The following B3GALT1 variants were observed in gnomAD, a reference collection of about 807,000 sequenced individuals.
The protein encoded by B3GALT1 is UDP-Gal:betaGlcNAc beta 1,3-galactosyltransferase, polypeptide 1.
A neutral mutation model predicts 23.2 loss-of-function variants in B3GALT1; 10 were observed. The ratio of observed to expected loss-of-function variants is 0.43; its 90% CI spans 0.27 to 0.73. The LOEUF is 0.73. Among genes scored for constraint, B3GALT1 ranks in the 30% least tolerant of loss-of-function variants. B3GALT1 has a pLI of 0.21. For missense variants in B3GALT1, 299 were observed against 405.4 expected (o/e 0.74, Z 2.25); for synonymous variants, 156 against 141.5 (o/e 1.10, Z -0.73).
At chr2:167,372,811 A>G (rs1697706685) in intron 1 of B3GALT1, among the ~76,000 whole-genome samples, 2 of 152,124 alleles carry the variant, frequency 1.3e-5, no homozygotes, top group African/African-American at 2.4e-5. Context: ...ACGTTGCTGA[A>G]TAGAATTAAG....
chr2:167,828,014 C>A (rs1689265421), intron 4 of B3GALT1, among the ~76,000 whole-genome samples: 1 of 152,166 alleles, frequency 6.6e-6, no homozygotes, highest in Admixed American at 6.5e-5. Context: ...TAAGAACACA[C>A]AGAATTAAGT....
intron 1 of B3GALT1, among the ~76,000 whole-genome samples, chr2:167,482,683 TA>T (rs1434132609): frequency 6.6e-6 from 1 of 151,828 alleles, no homozygotes; most frequent in African/African-American, 2.4e-5. Context: ...CTACTAAAAA[TA>T]AAAAAATTAG....
intron 1 of B3GALT1, among the ~76,000 whole-genome samples, chr2:167,393,373 C>T (rs1255621299): frequency 6.7e-6 from 1 of 150,090 alleles, no homozygotes; most frequent in East Asian, 2.0e-4. Flanking sequence ...CACCAAGATA[C>T]TCAAGAGCAG....
chr2:167,389,909 CAAA>C (rs141871874), intron 1 of B3GALT1, among the ~76,000 whole-genome samples: 1,168 of 112,536 alleles, frequency 0.01, 12 homozygotes, highest in African/African-American at 0.045. Flanking sequence ...ATACCCTGTC[CAAA>C]AAAAAAAAAA....
chr2:167,418,264 C>T (rs527483844), intron 1 of B3GALT1, among the ~76,000 whole-genome samples: 1 of 152,270 alleles, frequency 6.6e-6, no homozygotes, highest in East Asian at 1.9e-4. Flanking sequence ...TGAATTAACT[C>T]TCTGACTTCT....
intron 3 of B3GALT1, among the ~76,000 whole-genome samples, chr2:167,682,335 CA>C (rs1263129577): frequency 6.6e-6 from 1 of 152,162 alleles, no homozygotes; most frequent in African/African-American, 2.4e-5. Context: ...ATTCTTCATC[CA>C]AATTCCAAAT....
intron 4 of B3GALT1, among the ~76,000 whole-genome samples, chr2:167,864,190 T>C (rs1256990984): frequency 6.6e-6 from 1 of 152,166 alleles, no homozygotes. Flanking sequence ...ACAGAATTGA[T>C]ATAGCACAGT....
chr2:167,480,149 G>C (rs1160766371), intron 1 of B3GALT1, among the ~76,000 whole-genome samples: 1 of 152,114 alleles, frequency 6.6e-6, no homozygotes, highest in Non-Finnish European at 1.5e-5. Context: ...CATGACTCTT[G>C]AGCAGTAAGG....
intron 2 of B3GALT1, among the ~76,000 whole-genome samples, chr2:167,546,729 C>T (rs891148704): frequency 6.6e-6 from 1 of 152,170 alleles, no homozygotes; most frequent in South Asian, 2.1e-4. Flanking sequence ...GAAGAACACC[C>T]CCTCTGCACA....
rs764229259 is a variant in B3GALT1 at position 167,654,584 on chromosome 2, T to G, written c.-352+7618T>G. Among the ~76,000 whole-genome samples the G allele has an allele frequency of 5.9e-4, 89 of 152,000 alleles. 1 individual carries two copies. The highest frequency in any genetic ancestry group is 4.6e-4 in the Non-Finnish European group (31 of 67,976). On this transcript the variant is annotated intron_variant, in intron 3 of 4. Coordinates refer to ENST00000392690, the MANE Select transcript of B3GALT1 (RefSeq NM_020981.4). ...GCTCAATCATAGCTCACTGCAGCCT[T>G]CTGGGCTCAAAGGATCGTCTTGCCT...
intron 3 of B3GALT1, among the ~76,000 whole-genome samples, chr2:167,759,948 A>G (rs750607036): frequency 7.9e-5 from 12 of 152,146 alleles, no homozygotes; most frequent in Non-Finnish European, 1.8e-4. Context: ...TTGTTTACTT[A>G]AGTTTAACTC....
intron 1 of B3GALT1, among the ~76,000 whole-genome samples, chr2:167,438,298 C>A (rs1698818360): frequency 6.6e-6 from 1 of 152,158 alleles, no homozygotes; most frequent in Non-Finnish European, 1.5e-5. Context: ...CAAGAAGTTT[C>A]TCTGGGAGCT....
At position 167,660,338 on chromosome 2, in the gene B3GALT1, A is replaced by G. The variant is rs562354840; in HGVS notation, c.-352+13372A>G. Among the ~76,000 whole-genome samples, 3 of 152,138 alleles carry G rather than the reference A, an allele frequency of 2.0e-5. No individual in the cohort carries two copies. The East Asian group carries it at 5.8e-4, about 30-fold the overall frequency. ...AATAGTGATAGGTACTGTGGTGTCT[A>G]TTTAGCCTGTGCTTTAAGGGTCTAG... On this transcript the variant is annotated intron_variant, in intron 3 of 4. Coordinates refer to ENST00000392690, the MANE Select transcript of B3GALT1 (RefSeq NM_020981.4).
At chr2:167,854,434 G>C (rs1032937201) in intron 4 of B3GALT1, among the ~76,000 whole-genome samples, 2 of 152,174 alleles carry the variant, frequency 1.3e-5, no homozygotes, top group Admixed American at 6.5e-5. Flanking sequence ...CTTTGGACTT[G>C]TTTTAGTGGA....
chr2:167,623,290 A>C (rs530198744), intron 2 of B3GALT1, among the ~76,000 whole-genome samples: 1 of 152,280 alleles, frequency 6.6e-6, no homozygotes, highest in East Asian at 1.9e-4. Context: ...AGGATTATAA[A>C]TCATTCTACT....
rs1051576875 is a variant in B3GALT1 at position 167,432,983 on chromosome 2, A to G, written c.-510-57194A>G. Among the ~76,000 whole-genome samples, 6 of 152,206 alleles carry G rather than the reference A, an allele frequency of 3.9e-5. No homozygotes were observed. In the South Asian group the frequency reaches 1.2e-3, roughly 31 times the overall value. On this transcript the variant is annotated intron_variant, in intron 1 of 4. Transcript: ENST00000392690. The stretch of plus-strand genomic sequence containing the variant: ...TTGGGCCTCACTCTTGGTATTGTAC[A>G]TTCCAGGGGTTTGGACAAATGTATA...
chr2:167,725,534 A>G (rs1226938543), intron 3 of B3GALT1, among the ~76,000 whole-genome samples: 6 of 152,214 alleles, frequency 3.9e-5, no homozygotes, highest in Non-Finnish European at 7.3e-5. Context: ...ATGTAAGTTC[A>G]GTCCCTTCAG....
intron 3 of B3GALT1, among the ~76,000 whole-genome samples, chr2:167,666,333 G>C (rs555464275): frequency 6.6e-6 from 1 of 152,262 alleles, no homozygotes; most frequent in South Asian, 2.1e-4. Flanking sequence ...TATAATTTCT[G>C]TTCTTTTACA....
chr2:167,834,752 A>C (rs1418765646), intron 4 of B3GALT1, among the ~76,000 whole-genome samples: 8 of 152,080 alleles, frequency 5.3e-5, no homozygotes, highest in African/African-American at 1.9e-4. Context: ...AGGAGGCTGA[A>C]GCAGAAGAAC....
Sources: allele counts gnomAD v4.1 joint callset (sites outside exome capture counted in the v4.1 genomes callset), GRCh38; gene constraint gnomAD v4.1.1; transcripts MANE v1.5; gene names NCBI Gene and HGNC (gene_info 2026-07-23, HGNC 2026-07-21).